PTPRT: variants seen among roughly 807,000 people sequenced by gnomAD.
PTPRT encodes receptor-type tyrosine-protein phosphatase T.
Under a neutral mutation model 176.8 loss-of-function variants are expected in PTPRT, and 56 were observed. That is an observed-to-expected ratio of 0.32 (90% CI 0.26 to 0.40). PTPRT has a LOEUF of 0.40. PTPRT is among the 10% of genes least tolerant of loss of function. PTPRT has a pLI of 1.00. For synonymous variants in PTPRT, 783 were observed against 739.0 expected (o/e 1.06, Z -0.96); for missense variants, 1,540 against 1,908.2 (o/e 0.81, Z 3.60).
At chr20:42,771,356 C>A in intron 5 of PTPRT, 79 bp downstream of exon 5, 1 of 1,262,292 alleles carries the variant, frequency 7.9e-7, no homozygotes, top group South Asian at 1.2e-5. Context: ...CTTGTGTTGC[C>A]ATAGAGCTGC....
chr20:42,850,849 T>C (rs2078456004), intron 2 of PTPRT, among the ~76,000 whole-genome samples: 1 of 152,210 alleles, frequency 6.6e-6, no homozygotes, highest in South Asian at 2.1e-4. Flanking sequence ...GAGCAGCCCT[T>C]GGACCAGTCT....
At chr20:42,301,461 GT>G (rs1040859775) in intron 12 of PTPRT, among the ~76,000 whole-genome samples, 4 of 151,500 alleles carry the variant, frequency 2.6e-5, no homozygotes, top group South Asian at 2.1e-4. Flanking sequence ...CCTGGACCAG[GT>G]TTTTTTTTGT....
At chr20:42,463,178 GTCTC>G (rs148212646) in intron 8 of PTPRT, among the ~76,000 whole-genome samples, 11 of 150,634 alleles carry the variant, frequency 7.3e-5, no homozygotes, top group Admixed American at 5.3e-4. Context: ...ATTAAACTAG[GTCTC>G]TCTCTCTCTC....
chr20:42,053,849 C>T, the PTPRT span, among the ~76,000 whole-genome samples: 40 of 152,306 alleles, frequency 2.6e-4, no homozygotes, highest in Non-Finnish European at 4.6e-4. Context: ...AGAGCTAAAT[C>T]AGACATCATT....
chr20:42,701,938 A>C (rs6102997), intron 6 of PTPRT, among the ~76,000 whole-genome samples: 11,824 of 152,156 alleles, frequency 0.078, 515 homozygotes, highest in South Asian at 0.16. Flanking sequence ...AGAGAGATAT[A>C]CGCAAGGCCA....
At chr20:42,363,605 C>A (rs182207843) in intron 9 of PTPRT, among the ~76,000 whole-genome samples, 1 of 151,700 alleles carries the variant, frequency 6.6e-6, no homozygotes, top group Non-Finnish European at 1.5e-5. Context: ...TCACCGTGCC[C>A]GGCCTATTAC....
intron 1 of PTPRT, among the ~76,000 whole-genome samples, chr20:43,080,949 T>TA (rs1461804153): frequency 6.6e-6 from 1 of 152,268 alleles, no homozygotes; most frequent in Non-Finnish European, 1.5e-5. Flanking sequence ...GCTTATTTGT[T>TA]AGAGCAACCA....
chr20:42,539,632 G>T (rs1376877847), intron 7 of PTPRT, among the ~76,000 whole-genome samples: 1 of 147,280 alleles, frequency 6.8e-6, no homozygotes, highest in Non-Finnish European at 1.5e-5. Flanking sequence ...GGGACTTGTT[G>T]ACAACTAAAA....
chr20:42,663,981 A>T (rs999303207), intron 7 of PTPRT, among the ~76,000 whole-genome samples: 1 of 152,220 alleles, frequency 6.6e-6, no homozygotes, highest in Non-Finnish European at 1.5e-5. Context: ...CTAGAAAAAA[A>T]ATTAGCAAAT....
At chr20:42,283,627 G>A (rs1337900627) in intron 12 of PTPRT, among the ~76,000 whole-genome samples, 1 of 151,998 alleles carries the variant, frequency 6.6e-6, no homozygotes, top group Non-Finnish European at 1.5e-5. Flanking sequence ...TAACCACTCA[G>A]AGATCATAGC....
chr20:42,593,474 C>T (rs1363476421), intron 7 of PTPRT, among the ~76,000 whole-genome samples: 1 of 152,170 alleles, frequency 6.6e-6, no homozygotes, highest in Non-Finnish European at 1.5e-5. Flanking sequence ...GAGGTTCTGA[C>T]TGTGATGTCA....
At chr20:42,813,018 C>A (rs1415168211) in intron 2 of PTPRT, among the ~76,000 whole-genome samples, 1 of 152,140 alleles carries the variant, frequency 6.6e-6, no homozygotes, top group Non-Finnish European at 1.5e-5. Context: ...ACTTTCACCA[C>A]TCTATTTCAT....
the PTPRT span, among the ~76,000 whole-genome samples, chr20:42,053,751 C>T: frequency 1.3e-5 from 2 of 152,302 alleles, no homozygotes; most frequent in African/African-American, 4.8e-5. Context: ...TTTACTTATT[C>T]ATTCACTTAA....
chr20:42,472,231 C>A (rs1380884626), intron 8 of PTPRT, 35 bp downstream of exon 8: 1 of 1,596,966 alleles, frequency 6.3e-7, no homozygotes. Flanking sequence ...GATTCAATAT[C>A]CCCATTCCCA....
At chr20:42,940,623 A>G (rs549889420) in intron 1 of PTPRT, among the ~76,000 whole-genome samples, 1 of 152,290 alleles carries the variant, frequency 6.6e-6, no homozygotes, top group South Asian at 2.1e-4. Flanking sequence ...GGTGGGGGAA[A>G]AAAAAAGAAA....
At chr20:42,184,529 T>C (rs148890358) in intron 16 of PTPRT, among the ~76,000 whole-genome samples, 3,325 of 101,336 alleles carry the variant, frequency 0.033, 96 homozygotes, top group Middle Eastern at 0.046. Context: ...CTTCTTCTTC[T>C]TCTTCCTCTT....
At chr20:42,056,652 T>G in the PTPRT span, among the ~76,000 whole-genome samples, 2 of 152,236 alleles carry the variant, frequency 1.3e-5, no homozygotes, top group Non-Finnish European at 2.9e-5. Flanking sequence ...GTGTACACAC[T>G]TGCCTTTGTG....
chr20:42,162,712 C>T (rs890846798), intron 16 of PTPRT, among the ~76,000 whole-genome samples: 1 of 152,236 alleles, frequency 6.6e-6, no homozygotes, highest in Non-Finnish European at 1.5e-5. Context: ...GGTACCCACT[C>T]GGCCTATGCC....
intron 6 of PTPRT, among the ~76,000 whole-genome samples, chr20:42,703,795 A>G (rs1188636498): frequency 6.6e-6 from 1 of 152,164 alleles, no homozygotes; most frequent in Non-Finnish European, 1.5e-5. Context: ...TGCCACCTCT[A>G]CTTGCCCCTG....
Sources: allele counts gnomAD v4.1 joint callset (sites outside exome capture counted in the v4.1 genomes callset), GRCh38; gene constraint gnomAD v4.1.1; transcripts MANE v1.5; gene names NCBI Gene and HGNC (gene_info 2026-07-23, HGNC 2026-07-21).